The following PTDSS1 variants were observed in gnomAD, a reference collection of about 807,000 sequenced individuals.
PTDSS1 encodes the protein phosphatidylserine synthase 1.
PTDSS1 carries 45 observed loss-of-function variants against 70.5 expected under a neutral mutation model. That is an observed-to-expected ratio of 0.64 (90% CI 0.50 to 0.82). PTDSS1 has a LOEUF of 0.82. Among genes scored for constraint, PTDSS1 ranks in the 40% least tolerant of loss-of-function variants. The pLI is 0.00. For synonymous variants in PTDSS1, 188 were observed against 203.8 expected, an observed-to-expected ratio of 0.92 and a Z score of 0.66; for missense variants, 417 against 586.1, an observed-to-expected ratio of 0.71 and a Z score of 2.98.
intron 4 of PTDSS1, among the ~76,000 whole-genome samples, chr8:96,291,049 A>C (rs1810895974): frequency 6.6e-6 from 1 of 151,938 alleles, no homozygotes; most frequent in African/African-American, 2.4e-5. Flanking sequence ...ATTCAAAAAT[A>C]TGTCTTTAAG....
intron 5 of PTDSS1, among the ~76,000 whole-genome samples, chr8:96,298,665 A>G (rs1317576010): frequency 6.6e-6 from 1 of 152,144 alleles, no homozygotes; most frequent in African/African-American, 2.4e-5. Context: ...CAGAGGCCAA[A>G]AGAACCTTCA....
intron 9 of PTDSS1, among the ~76,000 whole-genome samples, chr8:96,311,257 A>ACG (rs1563578483): frequency 2.6e-5 from 4 of 152,000 alleles, no homozygotes; most frequent in Admixed American, 2.6e-4. Context: ...AAATCTGTAC[A>ACG]TGAAGTTCAA....
intron 1 of PTDSS1, among the ~76,000 whole-genome samples, chr8:96,273,021 C>T (rs542137471): frequency 2.0e-5 from 3 of 152,260 alleles, no homozygotes; most frequent in Non-Finnish European, 4.4e-5. Flanking sequence ...ATTAAAAGTG[C>T]ACTTCACTGG....
intron 10 of PTDSS1, among the ~76,000 whole-genome samples, chr8:96,325,341 A>G (rs905455322): frequency 6.6e-6 from 1 of 152,226 alleles, no homozygotes; most frequent in Non-Finnish European, 1.5e-5. Context: ...TTATGTTAAT[A>G]TGTGATAAAT....
rs976876474 is a variant in PTDSS1 at position 96,293,283 on chromosome 8, A to G, written c.442-1815A>G. Among the ~76,000 whole-genome samples, 8 of 152,274 alleles carry G rather than the reference A, an allele frequency of 5.3e-5. No individual in the cohort carries two copies. The East Asian group carries it at 1.5e-3, about 29-fold the overall frequency. On this transcript the variant is annotated intron_variant, in intron 4 of 12. Coordinates refer to ENST00000517309, the MANE Select transcript of PTDSS1 (RefSeq NM_014754.3). ...AGAAATAATAGTGGCAGCGAGATGC[A>G]TAAAAGAACAACCTGGGGAGGTAAA...
In PTDSS1 at chr8:96,262,682, A is replaced by T. The variant is rs548343811; in HGVS notation, c.179+463A>T. 7.2e-5 allele frequency among the ~76,000 whole-genome samples: 11 copies of T among 152,356 alleles called. No homozygotes were observed. Among genetic ancestry groups the T allele is most frequent in the African/African-American group, 2.6e-4 (11 of 41,578 alleles). ...GCCTGCAGGCACCATACACAGGCCC[A>T]GGACACAACCTAGATCCCTTCCTGT... is the stretch of plus-strand genomic sequence containing the variant. On this transcript the variant is annotated intron_variant, in intron 1 of 12. Transcript: ENST00000517309. The surrounding 1 kb of genome is among the most constrained non-coding windows in gnomAD (Gnocchi z 4.4).
rs34559310 is a variant in PTDSS1, at chr8:96,296,132, CTTTTTTTTTTTT to C, written c.600+891_600+902del. Reference sequence around the variant, plus strand: ...TGCGTGTCTGAGCCTTCATGGTGTTCTTTTTTTTTTTTTTTTTTTTTTTTTTGCGACAGAGTC... The same window carrying C: ...TGCGTGTCTGAGCCTTCATGGTGTTCTTTTTTTTTTTTTTGCGACAGAGTC... On this transcript the variant is annotated intron_variant, in intron 5 of 12. Coordinates refer to ENST00000517309, the MANE Select transcript of PTDSS1 (RefSeq NM_014754.3). 5.5e-5 allele frequency among the ~76,000 whole-genome samples: 3 copies of C among 54,282 alleles called. No individual in the cohort carries two copies. The Admixed American group carries it at 7.5e-4, about 14-fold the overall frequency. The allele number at this position is 54,282 out of a possible 152,430, so 35.6% of individuals were successfully genotyped here. A position where few individuals can be genotyped will look rare whatever the true frequency, so the allele number is the denominator to read the frequency against.
At chr8:96,302,422 C>T (rs1375859100) in intron 6 of PTDSS1, among the ~76,000 whole-genome samples, 4 of 152,206 alleles carry the variant, frequency 2.6e-5, no homozygotes, top group African/African-American at 9.7e-5. Context: ...CAAGCAATAT[C>T]TCATTTGAGC....
At chr8:96,307,864 T>A (rs1253521717) in intron 8 of PTDSS1, among the ~76,000 whole-genome samples, 1 of 152,176 alleles carries the variant, frequency 6.6e-6, no homozygotes, top group African/African-American at 2.4e-5. Flanking sequence ...CATTCCAAAA[T>A]AAAAACTAGA....
intron 8 of PTDSS1, among the ~76,000 whole-genome samples, chr8:96,307,389 T>G (rs1448288206): frequency 7.2e-6 from 1 of 139,370 alleles, no homozygotes; most frequent in Non-Finnish European, 1.5e-5. Flanking sequence ...ACAGTAGATC[T>G]ATACCTTGGT....
At chr8:96,333,263 G>C (rs923623978) in intron 12 of PTDSS1, among the ~76,000 whole-genome samples, 194 bp from the exon 13 acceptor site, 9 of 152,056 alleles carry the variant, frequency 5.9e-5, no homozygotes, top group African/African-American at 2.2e-4. Flanking sequence ...GTTGAACCCC[G>C]CGCCACCGCG....
intron 9 of PTDSS1, among the ~76,000 whole-genome samples, chr8:96,310,907 A>G (rs1811202216): frequency 6.6e-6 from 1 of 151,888 alleles, no homozygotes; most frequent in Non-Finnish European, 1.5e-5. Context: ...CTGGGACTAC[A>G]GGCGCGTGCC....
intron 2 of PTDSS1, among the ~76,000 whole-genome samples, chr8:96,274,554 C>T (rs199760009): frequency 6.6e-6 from 1 of 152,090 alleles, no homozygotes; most frequent in East Asian, 1.9e-4. Context: ...GGAGAAACCC[C>T]GTCTCTACTA....
chr8:96,309,436 G>A, intron 8 of PTDSS1, 121 bp from the exon 9 acceptor site: 1 of 789,904 alleles, frequency 1.3e-6, no homozygotes, highest in Non-Finnish European at 2.1e-6. Flanking sequence ...AACAGAACTA[G>A]ACCAGGCAGC....
rs139178019 is a variant in PTDSS1 at position 96,334,750 on chromosome 8, G to A, written c.*1184G>A. 20 of 152,324 alleles carry A rather than the reference G, an allele frequency of 1.3e-4. No individual in the cohort carries two copies. The highest frequency in any genetic ancestry group is 4.3e-4 in the African/African-American group (18 of 41,582). The allele number at this position is 152,324 out of a possible 1,614,324, so 9.4% of individuals were successfully genotyped here. A position where few individuals can be genotyped will look rare whatever the true frequency, so the allele number is the denominator to read the frequency against. On this transcript the variant is annotated 3_prime_UTR_variant, in exon 13 of 13. Coordinates refer to ENST00000517309, the MANE Select transcript of PTDSS1 (RefSeq NM_014754.3). ...CTTAGACTACCCAAGTGACCAACAG[G>A]AATGAACAACATAGTCATTGTTTTT...
chr8:96,301,992 T>C (rs1417806644), intron 6 of PTDSS1, among the ~76,000 whole-genome samples: 4 of 152,170 alleles, frequency 2.6e-5, no homozygotes, highest in African/African-American at 9.7e-5. Flanking sequence ...GGACACTTTT[T>C]AATATATTTA....
In PTDSS1 at chr8:96,299,828, C is replaced by T. The variant is rs1811027345; in HGVS notation, c.735C>T (p.Tyr245=). ...GCCGGTTTTTAGAGATGAGGACTTA[C>T]CACTGGGCAAGCTTCAAGTGAGTTG... ...VVCRFLEMRT[Y]HWASFKDIHT... Residue 245 remains tyrosine, a synonymous_variant, in exon 6 of 13, where the codon TAC becomes TAT. Transcript: ENST00000517309. 3 of 1,612,704 alleles carry T rather than the reference C, an allele frequency of 1.9e-6. No homozygotes were observed. Among genetic ancestry groups the T allele is most frequent in the Non-Finnish European group, 2.5e-6 (3 of 1,179,698 alleles).
chr8:96,273,144 G>A (rs759852403), intron 1 of PTDSS1, among the ~76,000 whole-genome samples, 155 bp from the exon 2 acceptor site: 6 of 152,132 alleles, frequency 3.9e-5, no homozygotes, highest in Non-Finnish European at 7.4e-5. Context: ...AAGAATTATT[G>A]TATGATCTGT....
intron 9 of PTDSS1, among the ~76,000 whole-genome samples, chr8:96,315,863 G>C (rs2130142375): frequency 6.6e-6 from 1 of 152,272 alleles, no homozygotes; most frequent in African/African-American, 2.4e-5. Context: ...AAATTGAACT[G>C]AGTAAAGGGA....
Sources: allele counts gnomAD v4.1 joint callset (sites outside exome capture counted in the v4.1 genomes callset), GRCh38; gene constraint gnomAD v4.1.1; non-coding constraint Gnocchi (gnomAD v3.1); transcripts MANE v1.5; gene names NCBI Gene and HGNC (gene_info 2026-07-23, HGNC 2026-07-21).